GAS6: variants seen among roughly 807,000 people sequenced by gnomAD.
GAS6 encodes growth arrest specific 6.
GAS6 carries 41 observed loss-of-function variants against 75.8 expected under a neutral mutation model. The observed-to-expected ratio is 0.54, with a 90% CI of 0.42 to 0.70. The LOEUF (loss-of-function observed/expected upper bound fraction) is 0.70, where lower values mean the gene tolerates loss of function less well. GAS6 is among the 30% of genes least tolerant of loss of function. GAS6 has a pLI of 0.00. For synonymous variants in GAS6, 432 were observed against 412.6 expected, an observed-to-expected ratio of 1.05 and a Z score of -0.57; for missense variants, 854 against 940.2, an observed-to-expected ratio of 0.91 and a Z score of 1.20.
chr13:113,859,054 CTG>C (rs202191218), intron 2 of GAS6, among the ~76,000 whole-genome samples: 2,573 of 145,098 alleles, frequency 0.018, 72 homozygotes, highest in African/African-American at 0.062. Context: ...CAGTGTGTGA[CTG>C]TGTGTACGTA....
chr13:113,852,951 GCAGCACC>G (rs532747852), intron 2 of GAS6, among the ~76,000 whole-genome samples: 34 of 152,308 alleles, frequency 2.2e-4, no homozygotes, highest in Non-Finnish European at 4.1e-4. Flanking sequence ...CAGGAATCAG[GCAGCACC>G]CAGCACGTGA....
chr13:113,835,713 G>T lies in GAS6; in HGVS notation c.590-78C>A, dbSNP rs2051694782. The T allele has an allele frequency of 1.8e-5, 28 of 1,558,022 alleles. No homozygotes were observed. The South Asian group carries it at 3.4e-4, about 19-fold the overall frequency. ...GCTGGGGCAGGCGGCTGCAGGGACT[G>T]GCCAGGGCACCACCCAGAGGTCGCA... On this transcript the variant is annotated intron_variant, in intron 6 of 14. Transcript: ENST00000327773.
intron 12 of GAS6, among the ~76,000 whole-genome samples, chr13:113,826,588 A>G (rs1265767499): frequency 2.9e-4 from 24 of 81,928 alleles, no homozygotes; most frequent in African/African-American, 9.3e-4. Flanking sequence ...CTGGCCTCGC[A>G]GGCACCTTCT....
chr13:113,841,213 G>A (rs568846699), intron 4 of GAS6: 1 of 152,456 alleles, frequency 6.6e-6, no homozygotes, highest in Admixed American at 6.5e-5. Flanking sequence ...CGGGTCTGTG[G>A]TTCACAAAGC....
intron 12 of GAS6, among the ~76,000 whole-genome samples, chr13:113,823,851 G>A (rs1486893352): frequency 6.6e-6 from 1 of 151,918 alleles, no homozygotes; most frequent in African/African-American, 2.4e-5. Context: ...TGCACCATGG[G>A]ACGCAGGCCT....
At chr13:113,821,611 C>T (rs1300743946) in intron 14 of GAS6, 4 of 325,608 alleles carry the variant, frequency 1.2e-5, no homozygotes, top group South Asian at 6.6e-5. Flanking sequence ...CGGTGACAGC[C>T]GCGGGTCCCA....
At position 113,823,448 on chromosome 13, in the gene GAS6, G is replaced by T. The variant is rs144928601; in HGVS notation, c.1580C>A (p.Ala527Asp). Residue 527 changes from alanine to aspartate, a missense_variant, in exon 13 of 15, where the codon GCC (alanine) becomes GAC (aspartate). Coordinates refer to ENST00000327773, the MANE Select transcript of GAS6 (RefSeq NM_000820.4). ...ADTGVLFALW[A>D]PDLRAVPLSV... is the part of the protein sequence containing the mutation. ...GAGAGGCACGGCACGGAGGTCGGGG[G>T]CCCAGAGCGCAAACAGCACGCCTGT... 6 of 1,612,666 alleles carry T rather than the reference G, an allele frequency of 3.7e-6. No individual in the cohort carries two copies. In the African/African-American group the frequency reaches 8.0e-5, roughly 22 times the overall value.
chr13:113,823,329 C>A (rs1352187237), intron 13 of GAS6, 46 bp downstream of exon 13: 2 of 1,556,856 alleles, frequency 1.3e-6, no homozygotes, highest in Admixed American at 1.8e-5. Context: ...GCCCACGTAC[C>A]CGTGGGTCGA....
rs376986269 is a variant in GAS6 at position 113,832,727 on chromosome 13, C to A, written c.860G>T (p.Ser287Ile). ...CEDILPCVPF[S>I]VAKSVKSLYL... is the part of the protein sequence containing the mutation. ...CAAGGACTTCACACTCTTGGCCACG[C>A]TGAAGGGCACGCACGGCAAGATGTC... Residue 287 changes from serine (S) to isoleucine (I), a missense_variant, in exon 9 of 15, where the codon AGC becomes ATC. Ser to Ile is a moderately radical substitution (Grantham distance 142, BLOSUM62 -2). Transcript: ENST00000327773. 5.0e-6 allele frequency: 8 copies of A among 1,612,726 alleles called. No homozygotes were observed. The highest frequency in any genetic ancestry group is 6.8e-6 in the Non-Finnish European group (8 of 1,179,940).
Position 113,844,848 on chromosome 13 carries a change from G to C in GAS6, c.343+1679C>G, listed in dbSNP as rs2051821581. ...GGGCAGGAACTGAGCCTGCAGTCTA[G>C]ATCCCCACCTCATCCATCACGTCAA... On this transcript the variant is annotated intron_variant, in intron 4 of 14. Coordinates refer to ENST00000327773, the MANE Select transcript of GAS6 (RefSeq NM_000820.4). The surrounding 1 kb of genome is among the most constrained non-coding windows in gnomAD (Gnocchi z 5.7). The C allele has an allele frequency of 6.6e-6, 1 of 150,578 alleles. No individual in the cohort carries two copies. Among genetic ancestry groups the C allele is most frequent in the South Asian group, 2.1e-4 (1 of 4,828 alleles). The allele number at this position is 150,578 out of a possible 1,614,324, so 9.3% of individuals were successfully genotyped here.
chr13:113,837,778 T>TG lies in GAS6; in HGVS notation c.589+290dup, dbSNP rs1437556890. On this transcript the variant is annotated intron_variant, in intron 6 of 14. Coordinates refer to ENST00000327773, the MANE Select transcript of GAS6 (RefSeq NM_000820.4). The surrounding 1 kb of genome is among the most constrained non-coding windows in gnomAD (Gnocchi z 5.1). ...AAGTGCCTGGAGCACTTCCAGGCTC[T>TG]GTGAGGCTCTGGGGAATGGACGAGG... Among the ~76,000 whole-genome samples the TG allele has an allele frequency of 2.6e-5, 4 of 152,218 alleles. No homozygotes were observed. Among genetic ancestry groups the TG allele is most frequent in the African/African-American group, 9.6e-5 (4 of 41,542 alleles).
At position 113,839,842 on chromosome 13, in the gene GAS6, C is replaced by A; in HGVS notation, c.352G>T (p.Asp118Tyr). Residue 118 changes from aspartate to tyrosine, a missense_variant, in exon 5 of 15, where the codon GAC becomes TAC. Transcript: ENST00000327773. Reference protein sequence around the residue: ...GFATCVQNLPDQCTPNPCDRK... With the variant: ...GFATCVQNLPYQCTPNPCDRK... ...TCGCAGGGGTTGGGCGTGCACTGGT[C>A]AGGCAGGTCTGATTGGGGACACAAA... The A allele has an allele frequency of 6.2e-7, 1 of 1,613,842 alleles. No individual in the cohort carries two copies. The highest frequency in any genetic ancestry group is 1.1e-5 in the South Asian group (1 of 91,066).
intron 4 of GAS6, among the ~76,000 whole-genome samples, chr13:113,846,102 C>T (rs928899968): frequency 5.3e-5 from 8 of 152,232 alleles, no homozygotes; most frequent in Non-Finnish European, 1.2e-4. Flanking sequence ...AGGTGAGACA[C>T]GCTAAGAGAG....
At chr13:113,846,904 G>A (rs994345813) in intron 3 of GAS6, 40 of 477,984 alleles carry the variant, frequency 8.4e-5, no homozygotes, top group Admixed American at 7.4e-4. Flanking sequence ...AGTTCCTGAC[G>A]GTACTCGAAA....
intron 12 of GAS6, among the ~76,000 whole-genome samples, chr13:113,824,004 T>C (rs1041818617): frequency 6.6e-6 from 1 of 151,878 alleles, no homozygotes; most frequent in East Asian, 1.9e-4. Flanking sequence ...GAGTTTAAGA[T>C]AGCATGCGGA....
chr13:113,820,842 G>A lies in GAS6; in HGVS notation c.*22C>T, dbSNP rs766574745. On this transcript the variant is annotated 3_prime_UTR_variant, in exon 15 of 15. Transcript: ENST00000327773. ...GGCTGTCTCGGACAGAGACTGAGAAGCCTGCCGCGTCCCGTGGGGGCCTAG... is the reference window on the plus strand; with the variant it reads ...GGCTGTCTCGGACAGAGACTGAGAAACCTGCCGCGTCCCGTGGGGGCCTAG... The A allele has an allele frequency of 8.7e-6, 14 of 1,603,618 alleles. No homozygotes were observed. The highest frequency in any genetic ancestry group is 3.3e-5 in the Admixed American group (2 of 59,870).
intron 14 of GAS6, 26 bp downstream of exon 14, chr13:113,821,932 G>A (rs576092871): frequency 1.3e-6 from 2 of 1,495,772 alleles, no homozygotes; most frequent in African/African-American, 2.8e-5. Context: ...TCTTCACCCG[G>A]GTTGAGCGGA....
Position 113,834,664 on chromosome 13 carries a change from C to A in GAS6, c.721G>T (p.Glu241Ter). Residue 241 changes from glutamate (E) to a stop codon, truncating the protein, a stop_gained, in exon 8 of 15, where the codon GAG becomes TAG. Coordinates refer to ENST00000327773, the MANE Select transcript of GAS6 (RefSeq NM_000820.4). LOFTEE classifies it high-confidence loss of function. Reference protein sequence around the residue: ...SQEKACRDVDECLQGRCEQVC... With the variant: ...SQEKACRDVD ...TGCTCACAGCGGCCCTGCAGACACT[C>A]GTCCACATCTGCCAGCCAGAGGGAA... 6.4e-7 allele frequency: 1 copy of A among 1,572,778 alleles called. No homozygotes were observed. The highest frequency in any genetic ancestry group is 8.6e-7 in the Non-Finnish European group (1 of 1,157,354).
rs1484637141 is a variant in GAS6, at chr13:113,828,537, C to G, written c.1308+10G>C. 3.7e-6 allele frequency: 6 copies of G among 1,612,156 alleles called. No homozygotes were observed. Among genetic ancestry groups the G allele is most frequent in the Non-Finnish European group, 5.1e-6 (6 of 1,179,234 alleles). ...CGGCGCGTCTACACAGGGACAGGTA[C>G]AGTACTCACAGGCTGCACGAGGTCC... On this transcript the variant is annotated intron_variant, in intron 11 of 14. Coordinates refer to ENST00000327773, the MANE Select transcript of GAS6 (RefSeq NM_000820.4).
Sources: gnomAD v4.1 joint callset for allele counts (sites outside exome capture counted in the v4.1 genomes callset) on GRCh38, gnomAD v4.1.1 for gene constraint, Gnocchi (gnomAD v3.1) non-coding constraint, MANE v1.5 for transcripts, NCBI Gene and HGNC (gene_info 2026-07-23, HGNC 2026-07-21) for gene names.